The following MOSPD3 variants were observed in gnomAD, a reference collection of about 807,000 sequenced individuals.
MOSPD3 encodes the protein motile sperm domain containing 3.
MOSPD3 carries 20 observed loss-of-function variants against 23.3 expected under a neutral mutation model. The observed-to-expected ratio is 0.86, with a 90% confidence interval of 0.61 to 1.25. MOSPD3 has a LOEUF of 1.25. Among genes scored for constraint, MOSPD3 ranks in the 50% most tolerant of loss-of-function variants. MOSPD3 has a pLI of 0.00. For synonymous variants in MOSPD3, 136 were observed against 135.2 expected (o/e 1.01, Z -0.04); for missense variants, 307 against 315.7 (o/e 0.97, Z 0.21).
rs1336311394 is a variant in MOSPD3, at chr7:100,612,964, A to G, written c.173A>G (p.Tyr58Cys). ...RSGPRQLLTL[Y>C]NPTGTALRFR... is the part of the protein sequence containing the mutation. Reference sequence around the variant, plus strand: ...GGACCCCGACAGCTGCTGACCCTCTATAACCCCACAGGAACTGCGCTTCGC... The same window carrying G: ...GGACCCCGACAGCTGCTGACCCTCTGTAACCCCACAGGAACTGCGCTTCGC... The change falls in exon 1 of 5, where the codon TAT becomes TGT. Residue 58 changes from tyrosine (Y) to cysteine (C), a missense_variant. Physicochemically the swap from Tyr to Cys is radical, Grantham distance 194 (BLOSUM62 -2). Transcript: ENST00000393950. The G allele has an allele frequency of 1.9e-6, 3 of 1,613,800 alleles. No individual in the cohort carries two copies. Among genetic ancestry groups the G allele is most frequent in the Middle Eastern group, 1.6e-4 (1 of 6,062 alleles).
At chr7:100,613,093 G>T in intron 1 of MOSPD3, 97 bp downstream of exon 1, 1 of 1,579,680 alleles carries the variant, frequency 6.3e-7, no homozygotes, top group Non-Finnish European at 8.7e-7. Context: ...GTCCAGCTTT[G>T]GTGGACTGGG....
Position 100,613,585 on chromosome 7 carries a change from C to T in MOSPD3, c.390C>T (p.Asp130=), listed in dbSNP as rs1802900166. 6.2e-7 allele frequency: 1 copy of T among 1,614,156 alleles called. No individual in the cohort carries two copies. Among genetic ancestry groups the T allele is most frequent in the South Asian group, 1.1e-5 (1 of 91,086 alleles). The stretch of plus-strand genomic sequence containing the variant: ...AGGGCCGAGTGGTGGGACGCAAGGA[C>T]ATTACCTCCATTCTGAGAGCCCCAG... ...GAEGRVVGRK[D]ITSILRAPAY... is the part of the protein sequence containing the mutation. The change falls in exon 3 of 5, where the codon GAC becomes GAT. Residue 130 remains aspartate, a synonymous_variant. Coordinates refer to ENST00000393950, the MANE Select transcript of MOSPD3 (RefSeq NM_023948.5).
Position 100,613,064 on chromosome 7 carries a change from C to T in MOSPD3, c.205+68C>T, listed in dbSNP as rs57727152. ...GGGGGGTTGTGTTGGCTGGAGGAGT[C>T]AGATGGGTAGGGTTGCACGTCCAGC... On this transcript the variant is annotated intron_variant, in intron 1 of 4. Transcript: ENST00000393950. The T allele has an allele frequency of 1.1e-3, 1,682 of 1,593,266 alleles. 25 individuals carry two copies. The East Asian group carries it at 0.031, about 29-fold the overall frequency.
At position 100,614,943 on chromosome 7, in the gene MOSPD3, G is replaced by A. The variant is rs1188757608; in HGVS notation, c.588G>A (p.Leu196=). 1.2e-6 allele frequency: 2 copies of A among 1,614,032 alleles called. No individual in the cohort carries two copies. The highest frequency in any genetic ancestry group is 1.7e-5 in the Admixed American group (1 of 60,006). ...GGATTGTGTCTGTGGCCTTCCTGCT[G>A]CTCCCACTCCCGGACGAACTCGGCA... ...LTGIVSVAFL[L]LPLPDELGSQ... is the part of the protein sequence containing the mutation. Residue 196 remains leucine, a synonymous_variant, in exon 4 of 5, where the codon CTG becomes CTA. Transcript: ENST00000393950.
In MOSPD3 at chr7:100,615,205, C is replaced by G. The variant is rs200753762; in HGVS notation, c.*22C>G. On this transcript the variant is annotated 3_prime_UTR_variant, in exon 5 of 5. Coordinates refer to ENST00000393950, the MANE Select transcript of MOSPD3 (RefSeq NM_023948.5). The stretch of plus-strand genomic sequence containing the variant: ...CTGAGCTCCGTGCTCAACCCCCAGC[C>G]CACCCCACCCTCCCTGGGCAGGGTC... 110 of 1,611,772 alleles carry G rather than the reference C, an allele frequency of 6.8e-5. No individual in the cohort carries two copies. The East Asian group carries it at 2.2e-3, about 32-fold the overall frequency.
chr7:100,614,174 A>G (rs1023212395), intron 3 of MOSPD3, among the ~76,000 whole-genome samples: 2 of 152,162 alleles, frequency 1.3e-5, no homozygotes, highest in African/African-American at 2.4e-5. Context: ...AGGGCAGTAA[A>G]AAGTAGATAC....
chr7:100,614,080 T>C (rs1179370502), intron 3 of MOSPD3, among the ~76,000 whole-genome samples: 1 of 152,054 alleles, frequency 6.6e-6, no homozygotes, highest in Non-Finnish European at 1.5e-5. Context: ...AGAAAATGAA[T>C]GCTGAGGGAC....
In MOSPD3 at chr7:100,612,879, C is replaced by A. The variant is rs1467763064; in HGVS notation, c.88C>A (p.Pro30Thr). Residue 30 changes from proline (P) to threonine (T), a missense_variant, in exon 1 of 5, where the codon CCC (proline) becomes ACC (threonine). Pro to Thr is a conservative substitution (Grantham distance 38). Transcript: ENST00000393950. ...CCGGGGCGCCCCTCCTCCCTTGGGA[C>A]CCGTTGTCCCGGTCCTGGTCTTTCC... Reference protein sequence around the residue: ...GSRGAPPPLGPVVPVLVFPPD... With the variant: ...GSRGAPPPLGTVVPVLVFPPD... 6.8e-6 allele frequency: 11 copies of A among 1,613,068 alleles called. No homozygotes were observed. The highest frequency in any genetic ancestry group is 8.5e-6 in the Non-Finnish European group (10 of 1,179,808).
rs137921044 is a variant in MOSPD3 at position 100,613,631 on chromosome 7, G to C, written c.436G>C (p.Gly146Arg). The change falls in exon 3 of 5, where the codon GGA becomes CGA. Residue 146 changes from glycine to arginine, a missense_variant. Transcript: ENST00000393950. ...RAPAYPLELQ[G>R]QPDPAPRPGP... ...CCCAGCGTACCCCCTTGAGCTTCAG[G>C]GACAGCCAGATCCAGCGCCTCGCCC... is the stretch of plus-strand genomic sequence containing the variant. 1,742 of 1,614,112 alleles carry C rather than the reference G, an allele frequency of 1.1e-3. 1 individual carries two copies. The highest frequency in any genetic ancestry group is 4.5e-3 in the Middle Eastern group (27 of 6,062).
chr7:100,613,190 C>T lies in MOSPD3; in HGVS notation c.206-4C>T. On this transcript the variant is annotated splice_polypyrimidine_tract_variant and splice_region_variant and intron_variant, in intron 1 of 4. Coordinates refer to ENST00000393950, the MANE Select transcript of MOSPD3 (RefSeq NM_023948.5). Reference sequence around the variant, plus strand: ...GCTTGTCTGTGTGTGTCTCTATCCCCCAGTCCTGTGCACAGCACCTGCCAA... The same window carrying T: ...GCTTGTCTGTGTGTGTCTCTATCCCTCAGTCCTGTGCACAGCACCTGCCAA... 6.2e-7 allele frequency: 1 copy of T among 1,614,032 alleles called. No homozygotes were observed. The highest frequency in any genetic ancestry group is 8.5e-7 in the Non-Finnish European group (1 of 1,179,924).
intron 3 of MOSPD3, chr7:100,613,909 A>G: frequency 1.6e-6 from 1 of 607,974 alleles, no homozygotes; most frequent in South Asian, 2.0e-5. Context: ...TACTTAGAGG[A>G]AAAAGTTCTT....
intron 3 of MOSPD3, among the ~76,000 whole-genome samples, 177 bp from the exon 4 acceptor site, chr7:100,614,690 C>A (rs1802940557): frequency 6.6e-6 from 1 of 152,004 alleles, no homozygotes; most frequent in Non-Finnish European, 1.5e-5. Context: ...AGGAGGATCA[C>A]CTGAGGCCAA....
At chr7:100,613,390 A>G in intron 2 of MOSPD3, 87 bp from the exon 3 acceptor site, 1 of 1,553,380 alleles carries the variant, frequency 6.4e-7, no homozygotes. Context: ...TGTGCCCCTA[A>G]GGGAGAGACT....
intron 2 of MOSPD3, 33 bp downstream of exon 2, chr7:100,613,302 G>C: frequency 1.3e-6 from 2 of 1,571,052 alleles, no homozygotes; most frequent in Non-Finnish European, 8.8e-7. Context: ...GAGGCTTGTG[G>C]AAGCCAGGGG....
chr7:100,612,832 C>G lies in MOSPD3; in HGVS notation c.41C>G (p.Pro14Arg). 6.2e-7 allele frequency: 1 copy of G among 1,609,658 alleles called. No homozygotes were observed. Among genetic ancestry groups the G allele is most frequent in the Non-Finnish European group, 8.5e-7 (1 of 1,178,816 alleles). ...GAPQDQELVGPGPPGRGSRGA... is the reference protein window; with the variant it reads ...GAPQDQELVGRGPPGRGSRGA... The stretch of plus-strand genomic sequence containing the variant: ...CCCCAGGACCAGGAGCTGGTGGGTC[C>G]GGGGCCCCCTGGGCGGGGGTCCCGG... The change falls in exon 1 of 5, where the codon CCG becomes CGG. Residue 14 changes from proline to arginine, a missense_variant. Transcript: ENST00000393950.
Position 100,614,862 on chromosome 7 carries a change from C to T in MOSPD3, c.512-5C>T, listed in dbSNP as rs189375792. The T allele has an allele frequency of 8.4e-5, 135 of 1,613,328 alleles. No homozygotes were observed. The African/African-American group carries it at 1.3e-3, about 16-fold the overall frequency. ...CTGCAGCATCTGATGAGTCTTGTTT[C>T]TCAGACCCCCGCCAGCAACTGGCCA... On this transcript the variant is annotated splice_region_variant and splice_polypyrimidine_tract_variant and intron_variant, in intron 3 of 4. Transcript: ENST00000393950.
rs771912529 is a variant in MOSPD3, at chr7:100,613,681, A to AC, written c.489dup (p.Thr164HisfsTer95). 1 of 1,613,072 alleles carries AC rather than the reference A, an allele frequency of 6.2e-7. No individual in the cohort carries two copies. Among genetic ancestry groups the AC allele is most frequent in the South Asian group, 1.1e-5 (1 of 91,070 alleles). On this transcript the variant is annotated frameshift_variant, in exon 3 of 5. Transcript: ENST00000393950. LOFTEE classifies it high-confidence loss of function. Reference sequence around the variant, plus strand: ...CAGGGCCTCCTGCTGGGACACCACCACCCACGGCCAGACACTTCCAGGAGC... The same window carrying AC: ...CAGGGCCTCCTGCTGGGACACCACCACCCCACGGCCAGACACTTCCAGGAGC...
chr7:100,615,174 C>G lies in MOSPD3; in HGVS notation c.699C>G (p.Leu233=). 1.2e-6 allele frequency: 2 copies of G among 1,614,036 alleles called. No homozygotes were observed. The highest frequency in any genetic ancestry group is 1.3e-5 in the African/African-American group (1 of 75,006). Residue 233 remains leucine (L), a synonymous_variant, in exon 5 of 5, where the codon CTC becomes CTG. Transcript: ENST00000393950. ...YVLGLLTMVF[L]RT is the part of the protein sequence containing the mutation. ...CAGGCCTCCTCACCATGGTGTTCCT[C>G]CGGACCTGAGCTCCGTGCTCAACCC... is the stretch of plus-strand genomic sequence containing the variant.
intron 4 of MOSPD3, 24 bp from the exon 5 acceptor site, chr7:100,615,128 A>T (rs1051356869): frequency 6.2e-7 from 1 of 1,614,040 alleles, no homozygotes; most frequent in Non-Finnish European, 8.5e-7. Flanking sequence ...ATGCGACCCT[A>T]TTCTTTCTTT....
Sources: gnomAD v4.1 joint callset for allele counts (sites outside exome capture counted in the v4.1 genomes callset) on GRCh38, gnomAD v4.1.1 for gene constraint, MANE v1.5 for transcripts, NCBI Gene and HGNC (gene_info 2026-07-23, HGNC 2026-07-21) for gene names.